The following EPG5 variants were observed in gnomAD, a reference collection of about 807,000 sequenced individuals.
The protein encoded by EPG5 is ectopic P granules protein 5 homolog.
In EPG5, 159 loss-of-function variants were observed where a neutral mutation model predicts 302.7. The ratio of observed to expected loss-of-function variants is 0.53; its 90% confidence interval spans 0.46 to 0.60. The LOEUF (loss-of-function observed/expected upper bound fraction) is 0.60. EPG5 is among the 20% of genes least tolerant of loss of function. The pLI, the probability that EPG5 is intolerant of heterozygous loss-of-function variation, is 0.00. For missense variants in EPG5, 2,896 were observed against 3,092.4 expected (o/e 0.94, Z 1.51); for synonymous variants, 1,158 against 1,136.8 (o/e 1.02, Z -0.37).
intron 27 of EPG5, among the ~76,000 whole-genome samples, chr18:45,891,992 G>A (rs1479233999): frequency 6.6e-6 from 1 of 152,180 alleles, no homozygotes; most frequent in African/African-American, 2.4e-5. Context: ...CTGGCCTGGA[G>A]AGACAGGAGC....
chr18:45,833,504 G>A, the EPG5 span, among the ~76,000 whole-genome samples: 8 of 152,064 alleles, frequency 5.3e-5, no homozygotes, highest in South Asian at 6.2e-4. Context: ...GTAGAGACGG[G>A]GTTTTACCAT....
the EPG5 span, among the ~76,000 whole-genome samples, chr18:45,811,616 G>A: frequency 3.3e-5 from 5 of 152,194 alleles, 1 homozygote; most frequent in South Asian, 4.2e-4. Context: ...TTCAGCATAC[G>A]CAAATCAATA....
In EPG5 at chr18:45,849,375, G is replaced by A. The variant is rs1454896591; in HGVS notation, c.*3092C>T. On this transcript the variant is annotated 3_prime_UTR_variant, in exon 44 of 44. Transcript: ENST00000282041. ...CCACCAGGCACTGGACAGGGGCAGA[G>A]GAGAGGCAGGAGGATCCCTGCAGAG... The A allele has an allele frequency of 1.3e-5, 2 of 152,330 alleles. No individual in the cohort carries two copies. Among genetic ancestry groups the A allele is most frequent in the Non-Finnish European group, 2.9e-5 (2 of 68,134 alleles). The allele number at this position is 152,330 out of a possible 1,614,324, so 9.4% of individuals were successfully genotyped here. A position where few individuals can be genotyped will look rare whatever the true frequency, so the allele number is the denominator to read the frequency against.
At chr18:45,923,420 A>G in intron 14 of EPG5, 33 bp from the exon 15 acceptor site, 1 of 1,596,600 alleles carries the variant, frequency 6.3e-7, no homozygotes. Flanking sequence ...CAAACATACA[A>G]CCTTGGTTTT....
chr18:45,806,715 G>A, the EPG5 span, among the ~76,000 whole-genome samples: 1 of 152,204 alleles, frequency 6.6e-6, no homozygotes, highest in East Asian at 1.9e-4. Flanking sequence ...GGAAAGACTT[G>A]TGAGCTCGCT....
chr18:45,903,902 C>T (rs2049683987), intron 25 of EPG5, 71 bp downstream of exon 25: 14 of 1,460,648 alleles, frequency 9.6e-6, no homozygotes, highest in Non-Finnish European at 1.3e-5. Context: ...GTATGTCAGC[C>T]TCAACCCTCA....
chr18:45,876,340 C>T lies in EPG5; in HGVS notation c.5945G>A (p.Ser1982Asn), dbSNP rs377447365. Residue 1982 changes from serine to asparagine, a missense_variant and splice_region_variant, in exon 35 of 44, where the codon AGC becomes AAC. Ser to Asn is a conservative substitution (Grantham distance 46, BLOSUM62 1). Coordinates refer to ENST00000282041, the MANE Select transcript of EPG5 (RefSeq NM_020964.3). Reference protein sequence around the residue: ...WILVLEDNESSQQRHYPWLES... With the variant: ...WILVLEDNESNQQRHYPWLES... ...TAGCCAGGGGTAATGCCGCTGTTGG[C>T]TGCTTTAAAGAAAAGAAGCACACAC... The T allele has an allele frequency of 1.6e-5, 26 of 1,613,004 alleles. No homozygotes were observed. The highest frequency in any genetic ancestry group is 2.2e-5 in the Non-Finnish European group (26 of 1,179,162).
intron 26 of EPG5, among the ~76,000 whole-genome samples, chr18:45,900,613 T>G (rs954186822): frequency 6.6e-6 from 1 of 152,144 alleles, no homozygotes; most frequent in African/African-American, 2.4e-5. Context: ...TTATGTCAAT[T>G]TCTTAAAGAA....
At chr18:45,865,960 G>A (rs1003395762) in intron 38 of EPG5, among the ~76,000 whole-genome samples, 1 of 152,068 alleles carries the variant, frequency 6.6e-6, no homozygotes, top group Non-Finnish European at 1.5e-5. Flanking sequence ...TTTGACCAGG[G>A]CCCATGTTTT....
intron 11 of EPG5, 52 bp downstream of exon 11, chr18:45,934,757 A>C: frequency 1.3e-6 from 2 of 1,546,614 alleles, no homozygotes; most frequent in Non-Finnish European, 1.7e-6. Context: ...CCCTGAAGAG[A>C]AGCACAAAAA....
At position 45,850,648 on chromosome 18, in the gene EPG5, C is replaced by T. The variant is rs907661232; in HGVS notation, c.*1819G>A. On this transcript the variant is annotated 3_prime_UTR_variant, in exon 44 of 44. Transcript: ENST00000282041. The stretch of plus-strand genomic sequence containing the variant: ...CTATAATTTGGTTTTTAAACAGTTA[C>T]AACCAAAGATAAATGATTTTATTTT... 6 of 152,548 alleles carry T rather than the reference C, an allele frequency of 3.9e-5. No individual in the cohort carries two copies. The highest frequency in any genetic ancestry group is 7.2e-5 in the African/African-American group (3 of 41,450). 9.4% of individuals were successfully genotyped at this position (152,548 alleles called of 1,614,324 possible). A position where few individuals can be genotyped will look rare whatever the true frequency, so the allele number is the denominator to read the frequency against.
intron 42 of EPG5, 119 bp downstream of exon 42, chr18:45,857,734 C>A: frequency 4.3e-5 from 23 of 530,328 alleles, no homozygotes; most frequent in Non-Finnish European, 6.4e-5. Flanking sequence ...TTCCATTAAT[C>A]TTTCTGGAGA....
At chr18:45,946,359 C>T (rs2050784008) in intron 7 of EPG5, among the ~76,000 whole-genome samples, 1 of 152,140 alleles carries the variant, frequency 6.6e-6, no homozygotes, top group South Asian at 2.1e-4. Flanking sequence ...ACTTTAATTT[C>T]CAGGTGCCAA....
At position 45,954,448 on chromosome 18, in the gene EPG5, G is replaced by A; in HGVS notation, c.954C>T (p.Cys318=). 1 of 1,614,036 alleles carries A rather than the reference G, an allele frequency of 6.2e-7. No homozygotes were observed. The highest frequency in any genetic ancestry group is 8.5e-7 in the Non-Finnish European group (1 of 1,179,974). ...EAELLTLTSD[C]QNAKSRLWQF... is the part of the protein sequence containing the mutation. Reference sequence around the variant, plus strand: ...GCCACAGCCGACTTTTAGCATTTTGGCAATCAGATGTCAGAGTAAGCAGCT... The same window carrying A: ...GCCACAGCCGACTTTTAGCATTTTGACAATCAGATGTCAGAGTAAGCAGCT... Residue 318 remains cysteine, a synonymous_variant, in exon 2 of 44, where the codon TGC becomes TGT. Transcript: ENST00000282041.
downstream of EPG5, among the ~76,000 whole-genome samples, chr18:45,844,569 C>T (rs1390243053): frequency 6.6e-6 from 1 of 152,132 alleles, no homozygotes; most frequent in Non-Finnish European, 1.5e-5. Context: ...AAAAAAGAGG[C>T]AGTGATGCTT....
chr18:45,888,004 T>A, intron 28 of EPG5, 97 bp from the exon 29 acceptor site: 1 of 974,090 alleles, frequency 1.0e-6, no homozygotes, highest in Non-Finnish European at 1.4e-6. Context: ...GCAATATTCT[T>A]AAGAATCCTC....
At chr18:45,930,541 T>C (rs992246038) in intron 12 of EPG5, 135 bp downstream of exon 12, 2 of 597,718 alleles carry the variant, frequency 3.3e-6, no homozygotes, top group Middle Eastern at 4.0e-4. Flanking sequence ...TTCCACTGAT[T>C]CTCTATCCCT....
At chr18:45,895,811 C>G (rs1167619727) in intron 27 of EPG5, among the ~76,000 whole-genome samples, 1 of 152,206 alleles carries the variant, frequency 6.6e-6, no homozygotes, top group Non-Finnish European at 1.5e-5. Context: ...AGGACATACT[C>G]TCTCCCAATG....
At chr18:45,885,440 T>C (rs2049196876) in intron 29 of EPG5, among the ~76,000 whole-genome samples, 1 of 152,190 alleles carries the variant, frequency 6.6e-6, no homozygotes, top group Non-Finnish European at 1.5e-5. Flanking sequence ...GTCCCCACCA[T>C]GATTACTACA....
Sources: allele counts gnomAD v4.1 joint callset (sites outside exome capture counted in the v4.1 genomes callset), GRCh38; gene constraint gnomAD v4.1.1; transcripts MANE v1.5; gene names NCBI Gene and HGNC (gene_info 2026-07-23, HGNC 2026-07-21).